Variants in CRACR2A observed in about 807,000 individuals in gnomAD.
CRACR2A encodes EF-hand calcium-binding domain-containing protein 4B.
CRACR2A carries 79 observed loss-of-function variants against 90.5 expected under a neutral mutation model. The ratio of observed to expected loss-of-function variants is 0.87; its 90% CI spans 0.73 to 1.05. The LOEUF is 1.05. Ranked by LOEUF, CRACR2A falls within the 50% of genes least tolerant of loss-of-function variation. The pLI, the probability that CRACR2A is intolerant of heterozygous loss-of-function variation, is 0.00. For synonymous variants in CRACR2A, 338 were observed against 356.7 expected, an observed-to-expected ratio of 0.95 and a Z score of 0.59; for missense variants, 823 against 897.2, an observed-to-expected ratio of 0.92 and a Z score of 1.06.
intron 1 of CRACR2A, among the ~76,000 whole-genome samples, chr12:3,737,189 G>T (rs368995559): frequency 2.0e-5 from 3 of 152,146 alleles, no homozygotes; most frequent in Non-Finnish European, 4.4e-5. Context: ...TTGGGTCCAC[G>T]GGGTGAATAG....
At chr12:3,658,219 C>T (rs996424275) in intron 8 of CRACR2A, among the ~76,000 whole-genome samples, 1 of 152,132 alleles carries the variant, frequency 6.6e-6, no homozygotes, top group South Asian at 2.1e-4. Flanking sequence ...CTCGCCCATT[C>T]CCCATGCCCT....
At chr12:3,665,411 G>T (rs1945114208) in intron 7 of CRACR2A, among the ~76,000 whole-genome samples, 1 of 152,140 alleles carries the variant, frequency 6.6e-6, no homozygotes, top group Non-Finnish European at 1.5e-5. Flanking sequence ...AAACTTTCTG[G>T]CCTTGGATAA....
chr12:3,630,720 A>G (rs895180339), intron 15 of CRACR2A, among the ~76,000 whole-genome samples: 1 of 152,154 alleles, frequency 6.6e-6, no homozygotes, highest in Admixed American at 6.5e-5. Flanking sequence ...TTCTGCTAAA[A>G]CCATCCGTGC....
At chr12:3,745,804 AT>A (rs1468765227) in intron 1 of CRACR2A, among the ~76,000 whole-genome samples, 1 of 4,540 alleles carries the variant, frequency 2.2e-4, no homozygotes, top group African/African-American at 5.1e-4. Flanking sequence ...ATAAAATAAA[AT>A]AAAATAAAAT....
intron 14 of CRACR2A, among the ~76,000 whole-genome samples, chr12:3,637,044 C>T (rs1479120606): frequency 6.6e-6 from 1 of 152,166 alleles, no homozygotes; most frequent in Non-Finnish European, 1.5e-5. Context: ...AGGCCTGGGT[C>T]CCAAACGAGG....
chr12:3,656,384 C>T lies in CRACR2A; in HGVS notation c.785G>A (p.Arg262His), dbSNP rs201306081. Residue 262 changes from arginine (R) to histidine (H), a missense_variant, in exon 9 of 20, where the codon CGC becomes CAC. Arg to His is a conservative substitution (Grantham distance 29). Coordinates refer to ENST00000440314, the MANE Select transcript of CRACR2A (RefSeq NM_001144958.2). ...CAGTTTCTGCTCCAGCTCTTGACTG[C>T]GGGCTTGAAACCTCTCTGTGTCCTG... Reference protein sequence around the residue: ...LLKDTERFQARSQELEQKLLC... With the variant: ...LLKDTERFQAHSQELEQKLLC... The T allele has an allele frequency of 9.2e-5, 149 of 1,613,984 alleles. No homozygotes were observed. The highest frequency in any genetic ancestry group is 3.5e-4 in the Admixed American group (21 of 59,996).
At chr12:3,715,376 T>C (rs866892430) in intron 2 of CRACR2A, among the ~76,000 whole-genome samples, 6 of 152,346 alleles carry the variant, frequency 3.9e-5, no homozygotes, top group African/African-American at 7.2e-5. Flanking sequence ...AAGACAGCTA[T>C]TCTAAGATGG....
intron 3 of CRACR2A, among the ~76,000 whole-genome samples, chr12:3,701,567 A>G (rs1945834423): frequency 6.6e-6 from 1 of 152,166 alleles, no homozygotes; most frequent in Admixed American, 6.5e-5. Context: ...GACAATTTAG[A>G]TTAGATGAAC....
rs115301599 is a variant in CRACR2A, at chr12:3,619,293, C to G, written c.2012G>C (p.Gly671Ala). The G allele has an allele frequency of 1.3e-3, 1,970 of 1,551,582 alleles. 20 individuals are homozygous for G. In the African/African-American group the frequency reaches 0.023, roughly 18 times the overall value. The change falls in exon 18 of 20, where the codon GGC becomes GCC. Residue 671 changes from glycine to alanine, a missense_variant. Coordinates refer to ENST00000440314, the MANE Select transcript of CRACR2A (RefSeq NM_001144958.2). ...TACCGTGGCAAGCTGCTCTCCGAGGCCCCGGGGGACTTCCCGCTCCTTCTC... is the reference window on the plus strand; with the variant it reads ...TACCGTGGCAAGCTGCTCTCCGAGGGCCCGGGGGACTTCCCGCTCCTTCTC... ...DNEKEREVPRGLGEQLATENN... is the reference protein window; with the variant it reads ...DNEKEREVPRALGEQLATENN...
chr12:3,717,045 A>C (rs770528092), intron 2 of CRACR2A, among the ~76,000 whole-genome samples: 3 of 152,130 alleles, frequency 2.0e-5, no homozygotes, highest in Non-Finnish European at 2.9e-5. Flanking sequence ...AGATGGGGAG[A>C]GGACAGGAGC....
chr12:3,648,386 G>T (rs1490108683), intron 11 of CRACR2A, 156 bp downstream of exon 11: 1 of 1,534,758 alleles, frequency 6.5e-7, no homozygotes, highest in East Asian at 2.3e-5. Context: ...GCTACTTGGT[G>T]GTCCAAACAC....
intron 5 of CRACR2A, 147 bp from the exon 6 acceptor site, chr12:3,679,245 G>C (rs187098975): frequency 1.4e-6 from 1 of 737,832 alleles, no homozygotes; most frequent in Non-Finnish European, 2.1e-6. Context: ...CATGGACATG[G>C]GTCCGTGGAC....
intron 7 of CRACR2A, among the ~76,000 whole-genome samples, chr12:3,666,348 T>C (rs1945142931): frequency 7.2e-6 from 1 of 138,694 alleles, no homozygotes; most frequent in East Asian, 2.5e-4. Context: ...TGTGTGTGTG[T>C]GTGTGTGCGT....
At chr12:3,690,409 TTTAA>T (rs1187383049) in intron 4 of CRACR2A, among the ~76,000 whole-genome samples, 2 of 152,222 alleles carry the variant, frequency 1.3e-5, no homozygotes, top group African/African-American at 4.8e-5. Context: ...TCTTAGTTTC[TTTAA>T]TTACCCCAAA....
chr12:3,660,736 G>A (rs910208707), intron 7 of CRACR2A, among the ~76,000 whole-genome samples: 1 of 151,590 alleles, frequency 6.6e-6, no homozygotes, highest in Non-Finnish European at 1.5e-5. Flanking sequence ...CCTCTCTGTG[G>A]CCCTTACTCC....
chr12:3,618,154 G>GT (rs1240653518), intron 18 of CRACR2A, among the ~76,000 whole-genome samples: 8 of 140,500 alleles, frequency 5.7e-5, no homozygotes, highest in African/African-American at 1.7e-4. Context: ...CCGAGTCTTA[G>GT]TTTTTTTTTC....
Position 3,634,135 on chromosome 12 carries a change from T to C in CRACR2A, c.1603-399A>G, listed in dbSNP as rs185322552. ...TGGCTTCAAGAGGGGGCAGGAATTC[T>C]TTCTGTGGGGAAGGACAAGGTGGGG... is the stretch of plus-strand genomic sequence containing the variant. On this transcript the variant is annotated intron_variant, in intron 14 of 19. Coordinates refer to ENST00000440314, the MANE Select transcript of CRACR2A (RefSeq NM_001144958.2). Among the ~76,000 whole-genome samples the C allele has an allele frequency of 3.1e-3, 477 of 152,216 alleles. 2 individuals are homozygous for C. Among genetic ancestry groups the C allele is most frequent in the South Asian group, 5.4e-3 (26 of 4,816 alleles).
chr12:3,751,676 G>A (rs1025655293), intron 1 of CRACR2A, among the ~76,000 whole-genome samples: 2 of 152,104 alleles, frequency 1.3e-5, no homozygotes, highest in Non-Finnish European at 2.9e-5. Context: ...GCCACATCCA[G>A]GACGCCCTCT....
intron 1 of CRACR2A, among the ~76,000 whole-genome samples, chr12:3,748,244 G>C (rs1429951206): frequency 1.3e-5 from 2 of 152,166 alleles, no homozygotes; most frequent in Non-Finnish European, 2.9e-5. Flanking sequence ...AGCACAGATG[G>C]GGTGGGGACA....
Sources: allele counts gnomAD v4.1 joint callset (sites outside exome capture counted in the v4.1 genomes callset), GRCh38; gene constraint gnomAD v4.1.1; transcripts MANE v1.5; gene names NCBI Gene and HGNC (gene_info 2026-07-23, HGNC 2026-07-21).